The following NEGR1 variants were observed in gnomAD, a reference collection of about 807,000 sequenced individuals.
The protein encoded by NEGR1 is IgLON family member 4.
NEGR1 carries 10 observed loss-of-function variants against 40.9 expected under a neutral mutation model. The observed-to-expected ratio is 0.24, with a 90% CI of 0.15 to 0.42. The LOEUF is 0.42. Among genes scored for constraint, NEGR1 ranks in the 10% least tolerant of loss-of-function variants. NEGR1 has a pLI of 1.00. For missense variants in NEGR1, 352 were observed against 438.9 expected, an observed-to-expected ratio of 0.80 and a Z score of 1.77; for synonymous variants, 185 against 166.8, an observed-to-expected ratio of 1.11 and a Z score of -0.84.
chr1:71,738,147 T>C (rs1250268562), intron 3 of NEGR1: 1 of 156,466 alleles, frequency 6.4e-6, no homozygotes. Flanking sequence ...AAGCATTTTA[T>C]GGACCTCAGT....
chr1:72,169,452 GTTAA>G (rs1038759177), intron 1 of NEGR1, among the ~76,000 whole-genome samples: 8 of 152,092 alleles, frequency 5.3e-5, no homozygotes, highest in African/African-American at 1.9e-4. Flanking sequence ...CTGATTTTAA[GTTAA>G]TTGTCTATTA....
intron 4 of NEGR1, among the ~76,000 whole-genome samples, chr1:71,658,036 C>A (rs1207272518): frequency 2.6e-5 from 4 of 152,178 alleles, no homozygotes; most frequent in Non-Finnish European, 5.9e-5. Flanking sequence ...CAAATGTCAT[C>A]TCCTTCCATG....
At chr1:71,899,038 G>A (rs1030713629) in intron 2 of NEGR1, among the ~76,000 whole-genome samples, 22 of 139,236 alleles carry the variant, frequency 1.6e-4, no homozygotes, top group Non-Finnish European at 9.3e-5. Flanking sequence ...GTGTGTGTGC[G>A]TGTGTGTGTG....
At chr1:71,603,353 G>A (rs931127472) in intron 5 of NEGR1, among the ~76,000 whole-genome samples, 3 of 152,200 alleles carry the variant, frequency 2.0e-5, no homozygotes, top group Admixed American at 2.0e-4. Flanking sequence ...AAGAGAAACA[G>A]AATGTACTTC....
chr1:71,607,839 G>A (rs1435405175), intron 5 of NEGR1, among the ~76,000 whole-genome samples: 1 of 152,118 alleles, frequency 6.6e-6, no homozygotes, highest in African/African-American at 2.4e-5. Context: ...GACTACAGGT[G>A]CCTGCCACCA....
At position 71,862,312 on chromosome 1, in the gene NEGR1, A is replaced by G. The variant is rs574029314; in HGVS notation, c.409+72767T>C. Among the ~76,000 whole-genome samples the G allele has an allele frequency of 2.6e-5, 4 of 152,172 alleles. No homozygotes were observed. The South Asian group carries it at 8.3e-4, about 32-fold the overall frequency. On this transcript the variant is annotated intron_variant, in intron 2 of 6. Coordinates refer to ENST00000357731, the MANE Select transcript of NEGR1 (RefSeq NM_173808.3). Reference sequence around the variant, plus strand: ...TGACCCCATAGCTGACACTCCTAACACTTTTTCTTACAAAGCTGTTCTCAA... The same window carrying G: ...TGACCCCATAGCTGACACTCCTAACGCTTTTTCTTACAAAGCTGTTCTCAA...
At chr1:71,480,686 C>G (rs1646848870) in intron 6 of NEGR1, among the ~76,000 whole-genome samples, 1 of 151,886 alleles carries the variant, frequency 6.6e-6, no homozygotes, top group Non-Finnish European at 1.5e-5. Flanking sequence ...TATGCTGACT[C>G]AGAATCCACT....
At chr1:72,131,475 A>C (rs931117700) in intron 1 of NEGR1, among the ~76,000 whole-genome samples, 1 of 152,216 alleles carries the variant, frequency 6.6e-6, no homozygotes, top group South Asian at 2.1e-4. Context: ...AAACAAGGGC[A>C]TAATATTCTC....
At chr1:72,261,805 T>A (rs916371474) in intron 1 of NEGR1, among the ~76,000 whole-genome samples, 2 of 151,978 alleles carry the variant, frequency 1.3e-5, no homozygotes, top group African/African-American at 4.8e-5. Context: ...AAGTGACAGT[T>A]AAACAATGTG....
intron 4 of NEGR1, among the ~76,000 whole-genome samples, chr1:71,652,244 T>C (rs997656635): frequency 6.6e-6 from 1 of 152,224 alleles, no homozygotes; most frequent in African/African-American, 2.4e-5. Context: ...ACACAATTAT[T>C]TGCATGATGT....
intron 1 of NEGR1, chr1:72,275,051 C>G (rs9326098): frequency 0.29 from 411,478 of 1,442,568 alleles, 62,553 homozygotes; most frequent in South Asian, 0.32. Flanking sequence ...CTCTTGGAAC[C>G]AACTGAGCAG....
chr1:71,974,600 T>G lies in NEGR1; in HGVS notation c.177-39289A>C, dbSNP rs182375269. Among the ~76,000 whole-genome samples the G allele has an allele frequency of 4.7e-3, 712 of 152,280 alleles. 6 individuals carry two copies. Among genetic ancestry groups the G allele is most frequent in the African/African-American group, 0.016 (669 of 41,568 alleles). ...AAAGTAATAGTGGTATATCCTAATC[T>G]GCTAGAAATATTTAAAAATTTAAGG... On this transcript the variant is annotated intron_variant, in intron 1 of 6. Transcript: ENST00000357731.
intron 1 of NEGR1, among the ~76,000 whole-genome samples, chr1:72,193,432 T>G (rs1011793896): frequency 1.3e-5 from 2 of 151,868 alleles, no homozygotes; most frequent in South Asian, 2.1e-4. Flanking sequence ...ATTTAGGGAC[T>G]ATATGAATCT....
intron 1 of NEGR1, among the ~76,000 whole-genome samples, chr1:72,042,687 G>A (rs1253183485): frequency 6.6e-6 from 1 of 151,936 alleles, no homozygotes; most frequent in Non-Finnish European, 1.5e-5. Context: ...GCCTCACACA[G>A]ACTACAAGTT....
chr1:71,431,719 A>G (rs1429163169), intron 6 of NEGR1, among the ~76,000 whole-genome samples: 3 of 152,246 alleles, frequency 2.0e-5, no homozygotes, highest in Non-Finnish European at 4.4e-5. Context: ...AAACAAATAA[A>G]CAAATAAAAC....
intron 2 of NEGR1, among the ~76,000 whole-genome samples, chr1:71,887,536 T>C (rs1660756704): frequency 6.6e-6 from 1 of 152,192 alleles, no homozygotes; most frequent in Non-Finnish European, 1.5e-5. Flanking sequence ...ATAGTAATTG[T>C]ACATATTCAT....
At chr1:72,123,137 C>T (rs965850555) in intron 1 of NEGR1, among the ~76,000 whole-genome samples, 2 of 151,842 alleles carry the variant, frequency 1.3e-5, no homozygotes, top group African/African-American at 4.8e-5. Context: ...GAATCATAGA[C>T]CCTCAGATCT....
At position 71,637,816 on chromosome 1, in the gene NEGR1, G is replaced by A. The variant is rs568878879; in HGVS notation, c.668-26670C>T. On this transcript the variant is annotated intron_variant, in intron 4 of 6. Coordinates refer to ENST00000357731, the MANE Select transcript of NEGR1 (RefSeq NM_173808.3). ...GGCATGCAGAGGTCACCTAACCCAC[G>A]TTACTGGATATCTCTGGGCATTATG... Among the ~76,000 whole-genome samples, 233 of 152,034 alleles carry A rather than the reference G, an allele frequency of 1.5e-3. 1 individual carries two copies. Among genetic ancestry groups the A allele is most frequent in the Non-Finnish European group, 2.4e-3 (165 of 67,944 alleles).
intron 2 of NEGR1, among the ~76,000 whole-genome samples, chr1:71,806,115 C>A (rs1330668691): frequency 6.6e-6 from 1 of 152,060 alleles, no homozygotes; most frequent in African/African-American, 2.4e-5. Flanking sequence ...AACCATGTCA[C>A]AATAAACAAA....
Sources: gnomAD v4.1 joint callset for allele counts (sites outside exome capture counted in the v4.1 genomes callset) on GRCh38, gnomAD v4.1.1 for gene constraint, MANE v1.5 for transcripts, NCBI Gene and HGNC (gene_info 2026-07-23, HGNC 2026-07-21) for gene names.